ITGAE: variants seen among roughly 807,000 people sequenced by gnomAD.
The protein encoded by ITGAE is integrin subunit alpha E, also known as integrin alpha-E.
ITGAE carries 99 observed loss-of-function variants against 136.5 expected under a neutral mutation model. The ratio of observed to expected loss-of-function variants is 0.73; its 90% CI spans 0.62 to 0.86. The LOEUF (loss-of-function observed/expected upper bound fraction) is 0.86, where lower values mean the gene tolerates loss of function less well. ITGAE is among the 40% of genes least tolerant of loss of function. The pLI, the probability that ITGAE is intolerant of heterozygous loss-of-function variation, is 0.00. For synonymous variants in ITGAE, 613 were observed against 591.8 expected, an observed-to-expected ratio of 1.04 and a Z score of -0.52; for missense variants, 1,447 against 1,515.3, an observed-to-expected ratio of 0.95 and a Z score of 0.75.
intron 23 of ITGAE, 195 bp from the exon 24 acceptor site, chr17:3,729,750 A>G (rs2051298667): frequency 4.0e-6 from 2 of 503,536 alleles, no homozygotes; most frequent in African/African-American, 1.9e-5. Context: ...GTGAGCCACC[A>G]TACCCAGTTA....
At chr17:3,797,311 A>T (rs9901841) in intron 1 of ITGAE, among the ~76,000 whole-genome samples, 3 of 146,618 alleles carry the variant, frequency 2.0e-5, no homozygotes, top group Non-Finnish European at 3.0e-5. Context: ...GACTACAGGC[A>T]CCCGCCACCA....
rs768377154 is a variant in ITGAE at position 3,724,279 on chromosome 17, G to T, written c.3085-535C>A. On this transcript the variant is annotated intron_variant, in intron 26 of 30. Transcript: ENST00000263087. Reference sequence around the variant, plus strand: ...CCAAGCCTAACCGTGACCCCAAGACGCCTGGGGCTGCGAGCTCGGCCCCCG... The same window carrying T: ...CCAAGCCTAACCGTGACCCCAAGACTCCTGGGGCTGCGAGCTCGGCCCCCG... The T allele has an allele frequency of 1.1e-5, 18 of 1,588,150 alleles. No homozygotes were observed. In the Admixed American group the frequency reaches 1.4e-4, roughly 12 times the overall value.
At chr17:3,735,093 A>C (rs547576558) in intron 20 of ITGAE, 144 bp from the exon 21 acceptor site, 3 of 859,098 alleles carry the variant, frequency 3.5e-6, no homozygotes, top group East Asian at 5.1e-5. Flanking sequence ...TCCTGGGTTC[A>C]AGTGATCCTC....
At chr17:3,756,224 CTTTTTTTTTT>C (rs398041526) in intron 10 of ITGAE, among the ~76,000 whole-genome samples, 3 of 95,028 alleles carry the variant, frequency 3.2e-5, no homozygotes, top group South Asian at 3.6e-4. Context: ...TATTGTTGGC[CTTTTTTTTTT>C]TTTTTTTTTT....
chr17:3,767,730 C>G (rs1259064556), intron 2 of ITGAE, among the ~76,000 whole-genome samples: 1 of 152,114 alleles, frequency 6.6e-6, no homozygotes, highest in African/African-American at 2.4e-5. Flanking sequence ...CTCAGCAATC[C>G]TCCTACCTCA....
At chr17:3,723,616 A>T (rs2051107520) in intron 27 of ITGAE, 72 bp downstream of exon 27, 1 of 1,425,688 alleles carries the variant, frequency 7.0e-7, no homozygotes, top group African/African-American at 1.4e-5. Context: ...CAGGAAAAAC[A>T]GTCTCCTGGC....
chr17:3,748,082 AG>A (rs1164059262), intron 16 of ITGAE, 30 bp from the exon 17 acceptor site: 24 of 1,596,886 alleles, frequency 1.5e-5, no homozygotes, highest in African/African-American at 2.7e-5. Context: ...GGATGGGAGA[AG>A]TGACTGCTCA....
At chr17:3,728,199 G>A (rs2051259378) in intron 24 of ITGAE, 31 bp from the exon 25 acceptor site, 5 of 1,564,514 alleles carry the variant, frequency 3.2e-6, no homozygotes, top group Non-Finnish European at 4.4e-6. Flanking sequence ...GTCAGCCCTT[G>A]AGGAGTCTTT....
At chr17:3,724,665 G>C (rs753420765) in intron 26 of ITGAE, 4 of 1,614,130 alleles carry the variant, frequency 2.5e-6, no homozygotes, top group Admixed American at 1.7e-5. Flanking sequence ...CCTCAGGTCA[G>C]TTCTCTTTGG....
intron 12 of ITGAE, 27 bp downstream of exon 12, chr17:3,755,090 G>GCCCTCATCAGGTGGCCCCA: frequency 7.1e-7 from 1 of 1,416,512 alleles, no homozygotes. Flanking sequence ...AGGTGGCCCC[G>GCCCTCATCAGGTGGCCCCA]CCCTCATCAG....
chr17:3,755,130 C>G lies in ITGAE; in HGVS notation c.1371G>C (p.Gln457His). ...AAAAADAEAAQYSYLGYAVAV... is the reference protein window; with the variant it reads ...AAAAADAEAAHYSYLGYAVAV... ...CCCCGCCCTCACCCAGGTAGCTGTA[C>G]TGCGCAGCCTCCGCGTCTGCCGCCG... is the stretch of plus-strand genomic sequence containing the variant. Residue 457 changes from glutamine (Q) to histidine (H), a missense_variant, in exon 12 of 31, where the codon CAG (glutamine) becomes CAC (histidine). Transcript: ENST00000263087. 1 of 1,588,272 alleles carries G rather than the reference C, an allele frequency of 6.3e-7. No homozygotes were observed. Among genetic ancestry groups the G allele is most frequent in the Non-Finnish European group, 8.5e-7 (1 of 1,170,994 alleles).
chr17:3,746,896 T>C (rs1201215041), intron 17 of ITGAE, among the ~76,000 whole-genome samples: 1 of 152,190 alleles, frequency 6.6e-6, no homozygotes, highest in African/African-American at 2.4e-5. Context: ...CGGCCAGGTC[T>C]GTCATTTTCA....
intron 1 of ITGAE, among the ~76,000 whole-genome samples, chr17:3,779,783 A>G (rs1234936971): frequency 2.0e-5 from 3 of 152,188 alleles, no homozygotes; most frequent in Admixed American, 1.3e-4. Flanking sequence ...ACTTTTCTAT[A>G]TATTTGAAAT....
intron 11 of ITGAE, 146 bp downstream of exon 11, chr17:3,755,680 AAATT>A (rs1351512142): frequency 9.1e-5 from 50 of 546,978 alleles, no homozygotes; most frequent in African/African-American, 6.2e-4. Context: ...ATAAATAAAT[AAATT>A]AATTAATTAA....
In ITGAE at chr17:3,727,905, C is replaced by T. The variant is rs767299113; in HGVS notation, c.3084+14G>A. 2 of 1,518,924 alleles carry T rather than the reference C, an allele frequency of 1.3e-6. No individual in the cohort carries two copies. The highest frequency in any genetic ancestry group is 1.8e-6 in the Non-Finnish European group (2 of 1,093,718). The allele number at this position is 1,518,924 out of a possible 1,614,324, so 94.1% of individuals were successfully genotyped here. ...GGAAAGAGGTGTGACTGATAAAGAA[C>T]TGCCTTTAAATACCTGAGTCCTCGT... On this transcript the variant is annotated intron_variant, in intron 26 of 30. Transcript: ENST00000263087.
chr17:3,800,369 A>G (rs1283569315), intron 1 of ITGAE, among the ~76,000 whole-genome samples: 1 of 151,856 alleles, frequency 6.6e-6, no homozygotes, highest in Admixed American at 6.6e-5. Context: ...GGGGCAGGAG[A>G]CCCATGGGAA....
At chr17:3,781,107 CTTAT>C (rs752013007) in intron 1 of ITGAE, among the ~76,000 whole-genome samples, 4 of 152,182 alleles carry the variant, frequency 2.6e-5, no homozygotes, top group African/African-American at 4.8e-5. Context: ...ATATTACTTT[CTTAT>C]TTATTTGTAA....
intron 22 of ITGAE, 36 bp from the exon 23 acceptor site, chr17:3,731,219 C>T (rs374610370): frequency 6.6e-7 from 1 of 1,514,334 alleles, no homozygotes; most frequent in African/African-American, 1.4e-5. Flanking sequence ...AGTTGATTCT[C>T]TCTATGCCAC....
Position 3,799,909 on chromosome 17 carries a change from G to C in ITGAE, c.34+1202C>G, listed in dbSNP as rs923653847. On this transcript the variant is annotated intron_variant, in intron 1 of 30. Transcript: ENST00000263087. The surrounding 1 kb of genome is among the most constrained non-coding windows in gnomAD (Gnocchi z 4.1). ...GGAGGCCGAGGCAGGTCGATCACCT[G>C]AGGGCAGGAGACCAGCCTGACCAAT... Among the ~76,000 whole-genome samples, 1 of 152,174 alleles carries C rather than the reference G, an allele frequency of 6.6e-6. No homozygotes were observed. Among genetic ancestry groups the C allele is most frequent in the African/African-American group, 2.4e-5 (1 of 41,442 alleles).
Sources: allele counts gnomAD v4.1 joint callset (sites outside exome capture counted in the v4.1 genomes callset), GRCh38; gene constraint gnomAD v4.1.1; non-coding constraint Gnocchi (gnomAD v3.1); transcripts MANE v1.5; gene names NCBI Gene and HGNC (gene_info 2026-07-23, HGNC 2026-07-21).